Variants in ZNF362 observed in about 807,000 individuals in gnomAD.
The protein encoded by ZNF362 is rotund homolog.
A neutral mutation model predicts 42.9 loss-of-function variants in ZNF362; 11 were observed. The ratio of observed to expected loss-of-function variants is 0.26; its 90% confidence interval spans 0.16 to 0.42. ZNF362 has a LOEUF of 0.42. Among genes scored for constraint, ZNF362 ranks in the 20% least tolerant of loss-of-function variants. The pLI, the probability that ZNF362 is intolerant of heterozygous loss-of-function variation, is 1.00. For synonymous variants in ZNF362, 255 were observed against 257.3 expected (o/e 0.99, Z 0.09); for missense variants, 362 against 576.2 (o/e 0.63, Z 3.81).
chr1:33,144,897 G>A, the ZNF362 span, among the ~76,000 whole-genome samples: 2 of 152,194 alleles, frequency 1.3e-5, no homozygotes, highest in Non-Finnish European at 2.9e-5. Context: ...GAGGCAGCTG[G>A]GGGGATAGGG....
intron 8 of ZNF362, among the ~76,000 whole-genome samples, chr1:33,295,980 A>G (rs1162601491): frequency 6.6e-6 from 1 of 152,162 alleles, no homozygotes; most frequent in African/African-American, 2.4e-5. Flanking sequence ...AGCTAGTACC[A>G]TTATTTATTC....
chr1:33,156,978 T>C, the ZNF362 span, among the ~76,000 whole-genome samples: 1 of 128,264 alleles, frequency 7.8e-6, no homozygotes, highest in African/African-American at 3.0e-5. Context: ...ACATCACCTC[T>C]TGCCTGGATT....
At chr1:33,291,090 T>G (rs1343967868) in intron 6 of ZNF362, among the ~76,000 whole-genome samples, 1 of 152,270 alleles carries the variant, frequency 6.6e-6, no homozygotes, top group Non-Finnish European at 1.5e-5. Flanking sequence ...TTGTCAATTT[T>G]GGCTTTTGTT....
At chr1:33,274,927 C>T in intron 2 of ZNF362, 1 of 984,286 alleles carries the variant, frequency 1.0e-6, no homozygotes, top group African/African-American at 1.7e-5. Flanking sequence ...AAATTTCTTT[C>T]TTAAAATATT....
At chr1:33,233,171 C>G in the ZNF362 span, among the ~76,000 whole-genome samples, 1 of 152,230 alleles carries the variant, frequency 6.6e-6, no homozygotes, top group Non-Finnish European at 1.5e-5. Context: ...TTCTGTACTC[C>G]CATTCTCACT....
chr1:33,274,848 T>C (rs1434276735), intron 2 of ZNF362: 1 of 743,210 alleles, frequency 1.3e-6, no homozygotes, highest in Non-Finnish European at 1.6e-6. Flanking sequence ...GTTTCTTCAC[T>C]GATAAAATGG....
At chr1:33,189,676 T>TACAC in the ZNF362 span, among the ~76,000 whole-genome samples, 420 of 22,622 alleles carry the variant, frequency 0.019, 26 homozygotes, top group South Asian at 0.042. Flanking sequence ...TATATATGTA[T>TACAC]ATATATACGT....
At chr1:33,191,654 A>C in the ZNF362 span, among the ~76,000 whole-genome samples, 2 of 151,932 alleles carry the variant, frequency 1.3e-5, no homozygotes, top group Non-Finnish European at 2.9e-5. Context: ...ACAGGTGTGC[A>C]CCACCACACC....
the ZNF362 span, among the ~76,000 whole-genome samples, chr1:33,190,014 T>A: frequency 6.6e-6 from 1 of 151,964 alleles, no homozygotes; most frequent in African/African-American, 2.4e-5. Flanking sequence ...CTGGAATCAG[T>A]GTCAGTCCGG....
chr1:33,293,282 C>G (rs1004083708), intron 6 of ZNF362, among the ~76,000 whole-genome samples: 4 of 152,186 alleles, frequency 2.6e-5, no homozygotes, highest in African/African-American at 9.7e-5. Context: ...GGAGACTTAT[C>G]AGACATGGCT....
chr1:33,160,351 AGG>A, the ZNF362 span, among the ~76,000 whole-genome samples: 1 of 152,072 alleles, frequency 6.6e-6, no homozygotes, highest in Non-Finnish European at 1.5e-5. Context: ...GCTAGGGGAC[AGG>A]GTGAAGATGT....
the ZNF362 span, among the ~76,000 whole-genome samples, chr1:33,250,880 G>GAAGAAGAAGAAGAAA: frequency 6.6e-6 from 1 of 151,878 alleles, no homozygotes; most frequent in Admixed American, 6.6e-5. Context: ...AGAAGAAGAA[G>GAAGAAGAAGAAGAAA]AAGAAGAAGA....
chr1:33,251,613 C>T (rs1220129359), upstream of ZNF362, among the ~76,000 whole-genome samples: 1 of 152,190 alleles, frequency 6.6e-6, no homozygotes, highest in Non-Finnish European at 1.5e-5. Flanking sequence ...AAACCCTTAC[C>T]TATCTGGGCC....
chr1:33,154,973 G>T, the ZNF362 span, among the ~76,000 whole-genome samples: 2 of 148,110 alleles, frequency 1.4e-5, no homozygotes, highest in Non-Finnish European at 3.0e-5. Flanking sequence ...GGTGCCTGCA[G>T]TCCCAGCTAC....
chr1:33,140,202 A>G, the ZNF362 span, among the ~76,000 whole-genome samples: 71 of 152,332 alleles, frequency 4.7e-4, no homozygotes, highest in East Asian at 6.0e-3. The surrounding 1 kb of genome is among the most constrained non-coding windows in gnomAD (Gnocchi z 4.0). Flanking sequence ...GATGAGGAAC[A>G]GGGATGCTTA....
the ZNF362 span, among the ~76,000 whole-genome samples, chr1:33,201,840 A>AG: frequency 1.3e-5 from 2 of 152,256 alleles, no homozygotes; most frequent in Admixed American, 6.5e-5. Flanking sequence ...TTCATAGAGC[A>AG]GACCAGTAAA....
chr1:33,241,795 C>T, the ZNF362 span, among the ~76,000 whole-genome samples: 434 of 152,238 alleles, frequency 2.9e-3, 4 homozygotes, highest in Non-Finnish European at 4.3e-3. Flanking sequence ...AGGCTGGTCT[C>T]GAACTCCTGG....
chr1:33,295,392 C>T (rs778697565), intron 8 of ZNF362, 87 bp downstream of exon 8: 23 of 1,472,074 alleles, frequency 1.6e-5, no homozygotes, highest in African/African-American at 1.4e-4. Context: ...AGATCTGTGT[C>T]GACTCTTCCC....
chr1:33,191,661 C>T, the ZNF362 span, among the ~76,000 whole-genome samples: 2 of 152,120 alleles, frequency 1.3e-5, no homozygotes, highest in African/African-American at 4.8e-5. Context: ...TGCACCACCA[C>T]ACCTGGCTAA....
Sources: gnomAD v4.1 joint callset for allele counts (sites outside exome capture counted in the v4.1 genomes callset) on GRCh38, gnomAD v4.1.1 for gene constraint, Gnocchi (gnomAD v3.1) non-coding constraint, MANE v1.5 for transcripts, NCBI Gene and HGNC (gene_info 2026-07-23, HGNC 2026-07-21) for gene names.